Variants in ELOVL2 observed in about 807,000 individuals in gnomAD.
ELOVL2 encodes the protein ELOVL fatty acid elongase 2, also known as very long chain fatty acid elongase 2.
Under a neutral mutation model 37.7 loss-of-function variants are expected in ELOVL2, and 38 were observed. The observed-to-expected ratio is 1.01, with a 90% confidence interval of 0.78 to 1.32. The LOEUF (loss-of-function observed/expected upper bound fraction) is 1.32. ELOVL2 is among the 40% of genes most tolerant of loss of function. ELOVL2 has a pLI of 0.00. For synonymous variants in ELOVL2, 115 were observed against 122.3 expected (o/e 0.94, Z 0.40); for missense variants, 352 against 363.6 (o/e 0.97, Z 0.26).
intron 4 of ELOVL2, among the ~76,000 whole-genome samples, chr6:10,997,809 T>G (rs1782297711): frequency 6.6e-6 from 1 of 152,188 alleles, no homozygotes; most frequent in African/African-American, 2.4e-5. Flanking sequence ...AACTGAACAG[T>G]GAGTTCAGGT....
At chr6:10,999,764 C>T (rs1408025594) in intron 4 of ELOVL2, among the ~76,000 whole-genome samples, 2 of 152,168 alleles carry the variant, frequency 1.3e-5, no homozygotes, top group African/African-American at 4.8e-5. Flanking sequence ...ATTTATTGCA[C>T]AAAGGGTGCT....
At chr6:10,985,604 A>G (rs1356218913) in intron 7 of ELOVL2, among the ~76,000 whole-genome samples, 2 of 151,904 alleles carry the variant, frequency 1.3e-5, no homozygotes, top group Non-Finnish European at 2.9e-5. Context: ...TTAAATAGGG[A>G]ATCCTTTCCC....
intron 1 of ELOVL2, among the ~76,000 whole-genome samples, chr6:11,023,180 A>T (rs537872279): frequency 6.6e-6 from 1 of 152,244 alleles, no homozygotes; most frequent in South Asian, 2.1e-4. Flanking sequence ...CCAAAGCCAG[A>T]TATCTGTATT....
At chr6:10,999,846 T>C (rs546538037) in intron 4 of ELOVL2, among the ~76,000 whole-genome samples, 2 of 152,230 alleles carry the variant, frequency 1.3e-5, no homozygotes, top group Non-Finnish European at 1.5e-5. Flanking sequence ...TGTAGCGGTA[T>C]AGAGCTCTTC....
Position 10,989,809 on chromosome 6 carries a change from G to A in ELOVL2, c.659C>T (p.Thr220Ile). 1 of 1,614,188 alleles carries A rather than the reference G, an allele frequency of 6.2e-7. No individual in the cohort carries two copies. Among genetic ancestry groups the A allele is most frequent in the Non-Finnish European group, 8.5e-7 (1 of 1,180,034 alleles). The part of the protein sequence containing the change: ...LVQFVLTITH[T>I]MSAVVKPCGF... Reference sequence around the variant, plus strand: ...ACACGGTTTCACGACGGCGCTCATGGTGTGCGTGATGGTGAGCACGAACTG... The same window carrying A: ...ACACGGTTTCACGACGGCGCTCATGATGTGCGTGATGGTGAGCACGAACTG... The change falls in exon 7 of 8, where the codon ACC becomes ATC. Residue 220 changes from threonine (T) to isoleucine (I), a missense_variant. By Grantham distance (89) the Thr-to-Ile change is moderately conservative. Transcript: ENST00000354666.
intron 6 of ELOVL2, among the ~76,000 whole-genome samples, chr6:10,990,113 T>G (rs1311744635): frequency 2.0e-5 from 3 of 152,232 alleles, no homozygotes; most frequent in Non-Finnish European, 4.4e-5. Flanking sequence ...TCATCTACAT[T>G]TCAAAGCAAG....
chr6:10,983,944 G>T, intron 7 of ELOVL2, 38 bp from the exon 8 acceptor site: 2 of 1,563,488 alleles, frequency 1.3e-6, no homozygotes. Context: ...AAAATAAAAA[G>T]GTTATTTAAT....
At chr6:11,018,115 C>T (rs1782712567) in intron 1 of ELOVL2, among the ~76,000 whole-genome samples, 1 of 151,970 alleles carries the variant, frequency 6.6e-6, no homozygotes, top group Non-Finnish European at 1.5e-5. Flanking sequence ...CCAAAGAACA[C>T]AGAAAAAAAA....
chr6:11,028,897 C>T (rs1034652622), intron 1 of ELOVL2, among the ~76,000 whole-genome samples: 16 of 151,816 alleles, frequency 1.1e-4, no homozygotes, highest in Non-Finnish European at 2.1e-4. Context: ...TGCCTGATTT[C>T]ATAGAGCTGG....
chr6:10,997,750 T>C (rs1387061223), intron 4 of ELOVL2, among the ~76,000 whole-genome samples: 1 of 152,220 alleles, frequency 6.6e-6, no homozygotes, highest in East Asian at 1.9e-4. Context: ...TACTTCCTAC[T>C]GCCTCACATC....
At chr6:11,007,476 G>A (rs1782499891) in intron 2 of ELOVL2, among the ~76,000 whole-genome samples, 1 of 152,154 alleles carries the variant, frequency 6.6e-6, no homozygotes, top group Non-Finnish European at 1.5e-5. Flanking sequence ...ACCAGAGATT[G>A]CCACCAACCA....
intron 1 of ELOVL2, among the ~76,000 whole-genome samples, chr6:11,013,349 G>A (rs963557669): frequency 1.1e-4 from 16 of 152,318 alleles, no homozygotes; most frequent in Admixed American, 9.1e-4. Flanking sequence ...GCACAGAGAG[G>A]TCTGCAGTGT....
chr6:10,995,725 C>T (rs891060328), intron 4 of ELOVL2, among the ~76,000 whole-genome samples: 13 of 152,188 alleles, frequency 8.5e-5, no homozygotes, highest in African/African-American at 2.4e-4. Flanking sequence ...ATTACTTTAA[C>T]TGTGGCTCCA....
At chr6:10,990,154 C>T (rs575575721) in intron 6 of ELOVL2, among the ~76,000 whole-genome samples, 164 bp downstream of exon 6, 48 of 147,440 alleles carry the variant, frequency 3.3e-4, no homozygotes, top group Non-Finnish European at 6.8e-4. Context: ...ATAGCATGCA[C>T]AAAGGGCATT....
rs567465749 is a variant in ELOVL2 at position 11,044,247 on chromosome 6, G to T, written c.-17C>A. On this transcript the variant is annotated 5_prime_UTR_variant, in exon 1 of 8. Transcript: ENST00000354666. This position sits in a 1 kb window ranked among gnomAD's most constrained non-coding sequence, Gnocchi z 5.6. ...ACTCACCATGATCCGCAGCGGCTGT[G>T]GCGCGGCGACCCGGGCGGGCGGCGA... 16 of 1,346,164 alleles carry T rather than the reference G, an allele frequency of 1.2e-5. No homozygotes were observed. Among genetic ancestry groups the T allele is most frequent in the East Asian group, 3.0e-5 (1 of 33,192 alleles). 83.4% of individuals were successfully genotyped at this position (1,346,164 alleles called of 1,614,324 possible).
intron 1 of ELOVL2, chr6:11,043,481 C>CACACACACAACACACACAG (rs1157122891): frequency 6.4e-6 from 1 of 155,082 alleles, no homozygotes; most frequent in Non-Finnish European, 1.4e-5. Flanking sequence ...CACACACACA[C>CACACACACAACACACACAG]ACACACAGCT....
At chr6:11,000,406 A>G (rs1236387717) in intron 3 of ELOVL2, among the ~76,000 whole-genome samples, 1 of 152,204 alleles carries the variant, frequency 6.6e-6, no homozygotes, top group Non-Finnish European at 1.5e-5. Flanking sequence ...ACATTGGCCA[A>G]AATAACAGAT....
intron 2 of ELOVL2, among the ~76,000 whole-genome samples, chr6:11,009,351 C>T (rs778821294): frequency 6.6e-6 from 1 of 152,176 alleles, no homozygotes; most frequent in Non-Finnish European, 1.5e-5. Flanking sequence ...GAGATTATAA[C>T]AATATACTAT....
intron 2 of ELOVL2, 74 bp from the exon 3 acceptor site, chr6:11,005,633 T>C: frequency 7.7e-7 from 1 of 1,297,636 alleles, no homozygotes; most frequent in Non-Finnish European, 1.1e-6. Context: ...GTCACATACA[T>C]TGCATTTGTA....
Sources: gnomAD v4.1 joint callset for allele counts (sites outside exome capture counted in the v4.1 genomes callset) on GRCh38, gnomAD v4.1.1 for gene constraint, Gnocchi (gnomAD v3.1) non-coding constraint, MANE v1.5 for transcripts, NCBI Gene and HGNC (gene_info 2026-07-23, HGNC 2026-07-21) for gene names.